The following COL4A6 variants were observed in gnomAD, a reference collection of about 807,000 sequenced individuals.
COL4A6 encodes collagen alpha-6(IV) chain.
A neutral mutation model predicts 126.7 loss-of-function variants in COL4A6; 59 were observed. The ratio of observed to expected loss-of-function variants is 0.47; its 90% CI spans 0.38 to 0.58. The LOEUF is 0.58. Ranked by LOEUF, COL4A6 falls within the 20% of genes least tolerant of loss-of-function variation. The probability of loss-of-function intolerance (pLI) is 0.00; values close to 1 mark genes in which losing one functional copy is unlikely to be tolerated. For missense variants in COL4A6, 1,285 were observed against 1,337.3 expected, an observed-to-expected ratio of 0.96 and a Z score of 0.61; for synonymous variants, 547 against 496.6, an observed-to-expected ratio of 1.10 and a Z score of -1.35.
At chrX:108,329,903 A>T (rs2039255049) in intron 2 of COL4A6, among the ~76,000 whole-genome samples, 1 of 111,054 alleles carries the variant, frequency 9.0e-6, no homozygotes, top group Non-Finnish European at 1.9e-5. Context: ...GGAGGATGGT[A>T]ATGCCATTTG....
intron 3 of COL4A6, among the ~76,000 whole-genome samples, chrX:108,236,268 G>C (rs2036427408): frequency 1.8e-5 from 2 of 111,498 alleles, no homozygotes; most frequent in Admixed American, 1.9e-4. Flanking sequence ...TTGCAGACTT[G>C]ACAAAGGCAG....
At chrX:108,161,788 A>G in intron 41 of COL4A6, 53 bp from the exon 42 acceptor site, 1 of 837,886 alleles carries the variant, frequency 1.2e-6, no homozygotes, top group Non-Finnish European at 1.8e-6. Context: ...GTCCCCAGGC[A>G]CCTTCCCCAG....
At chrX:108,191,226 G>C (rs765287726) in intron 19 of COL4A6, among the ~76,000 whole-genome samples, 167 bp downstream of exon 19, 2 of 112,448 alleles carry the variant, frequency 1.8e-5, no homozygotes, top group South Asian at 7.6e-4. Context: ...GGTAGAGGCA[G>C]GGATCTGACT....
chrX:108,343,165 A>ATATAGTGTGTGT (rs1377817612), intron 2 of COL4A6, among the ~76,000 whole-genome samples: 73 of 31,380 alleles, frequency 2.3e-3, no homozygotes, highest in East Asian at 6.6e-3. Context: ...ATATATATAT[A>ATATAGTGTGTGT]GTGTGTGTGT....
intron 2 of COL4A6, among the ~76,000 whole-genome samples, chrX:108,412,539 G>A (rs182699433): frequency 9.0e-6 from 1 of 111,534 alleles, no homozygotes; most frequent in South Asian, 3.8e-4. Flanking sequence ...CCATTTCAGG[G>A]GCCATTTTCT....
chrX:108,408,037 G>C (rs942269575), intron 2 of COL4A6, among the ~76,000 whole-genome samples: 11 of 111,595 alleles, frequency 9.9e-5, no homozygotes, highest in African/African-American at 3.6e-4. Flanking sequence ...TAGGCCGGGT[G>C]GGGTGGCTCA....
chrX:108,300,477 G>A (rs151128495), intron 3 of COL4A6, among the ~76,000 whole-genome samples: 2,194 of 108,323 alleles, frequency 0.02, 55 homozygotes, highest in African/African-American at 0.066. Flanking sequence ...GTTGTGCTAG[G>A]GGGTCTTGGA....
In COL4A6 at chrX:108,187,900, C is replaced by G. The variant is rs2148145750; in HGVS notation, c.1715G>C (p.Gly572Ala). Residue 572 changes from glycine to alanine, a missense_variant, in exon 22 of 45, where the codon GGA becomes GCA. Physicochemically the swap from Gly to Ala is moderately conservative, Grantham distance 60 (BLOSUM62 0). Coordinates refer to ENST00000334504, the MANE Select transcript of COL4A6 (RefSeq NM_033641.4). ...SGSQGFRGVI[G>A]EPGKDGVPGL... is the part of the protein sequence containing the mutation. ...TGGTACTCCGTCCTTGCCTGGTTCTCCTATTACACCACGGAAGCCCTGGGA... is the reference window on the plus strand; with the variant it reads ...TGGTACTCCGTCCTTGCCTGGTTCTGCTATTACACCACGGAAGCCCTGGGA... 8.3e-7 allele frequency: 1 copy of G among 1,210,119 alleles called. No homozygotes were observed. Among genetic ancestry groups the G allele is most frequent in the East Asian group, 3.0e-5 (1 of 33,799 alleles).
chrX:108,211,820 A>G (rs2035713837), intron 6 of COL4A6, 80 bp from the exon 7 acceptor site: 1 of 961,064 alleles, frequency 1.0e-6, no homozygotes. Flanking sequence ...CAGATAGAGG[A>G]TGGGACAGCA....
At chrX:108,278,669 C>T (rs1163883707) in intron 3 of COL4A6, among the ~76,000 whole-genome samples, 5 of 108,454 alleles carry the variant, frequency 4.6e-5, no homozygotes, top group Non-Finnish European at 7.7e-5. Flanking sequence ...TCGAGAAGAG[C>T]AACTCCAAGA....
chrX:108,363,897 G>A (rs750420409), intron 2 of COL4A6, among the ~76,000 whole-genome samples: 27 of 110,331 alleles, frequency 2.4e-4, no homozygotes, highest in Non-Finnish European at 4.0e-4. Context: ...TTGAGAGGGC[G>A]TCTTGCTCTG....
At chrX:108,406,082 C>T (rs777261706) in intron 2 of COL4A6, among the ~76,000 whole-genome samples, 2 of 111,305 alleles carry the variant, frequency 1.8e-5, no homozygotes, top group Non-Finnish European at 3.8e-5. Context: ...ATCTTCCCAC[C>T]TCAGACTCTT....
intron 9 of COL4A6, 127 bp from the exon 10 acceptor site, chrX:108,205,822 CTG>C: frequency 1.8e-6 from 1 of 542,175 alleles, no homozygotes; most frequent in African/African-American, 2.3e-5. Context: ...TAGATTCTAG[CTG>C]TCTTTCCTAT....
At chrX:108,246,864 T>C (rs1439945532) in intron 3 of COL4A6, among the ~76,000 whole-genome samples, 3 of 111,390 alleles carry the variant, frequency 2.7e-5, no homozygotes, top group Non-Finnish European at 5.7e-5. Context: ...ACTCATACAA[T>C]GAGGGATTCT....
chrX:108,174,344 A>G (rs1191925645), intron 31 of COL4A6, 96 bp downstream of exon 31: 3 of 903,731 alleles, frequency 3.3e-6, no homozygotes, highest in East Asian at 3.2e-5. Flanking sequence ...AGGGGCTGAG[A>G]AGTAAGCTGG....
chrX:108,437,033 G>T (rs1320485024), intron 2 of COL4A6, among the ~76,000 whole-genome samples: 1 of 111,456 alleles, frequency 9.0e-6, no homozygotes, highest in East Asian at 2.8e-4. Context: ...GTATCATTAA[G>T]AATTTTTAAA....
rs752178782 is a variant in COL4A6 at position 108,385,680 on chromosome X, A to G, written c.63+52262T>C. Among the ~76,000 whole-genome samples, 17 of 112,178 alleles carry G rather than the reference A, an allele frequency of 1.5e-4. No homozygotes were observed. In the Admixed American group the frequency reaches 1.6e-3, roughly 11 times the overall value. On this transcript the variant is annotated intron_variant, in intron 2 of 44. Transcript: ENST00000334504. ...ATGAAATAGAATTGAGACTTAAGAC[A>G]TAAACCCATACATCTTGGTCAATTG...
intron 3 of COL4A6, among the ~76,000 whole-genome samples, chrX:108,256,960 G>A (rs760513633): frequency 5.4e-5 from 6 of 111,836 alleles, no homozygotes; most frequent in African/African-American, 1.9e-4. Context: ...CAGAAAGGAG[G>A]AAGGCAGTTT....
intron 3 of COL4A6, among the ~76,000 whole-genome samples, chrX:108,277,071 G>A (rs770599606): frequency 6.2e-5 from 7 of 112,185 alleles, no homozygotes; most frequent in East Asian, 2.8e-4. Flanking sequence ...CAGCGTGAGC[G>A]ATGCAGAAGA....
Sources: gnomAD v4.1 joint callset for allele counts (sites outside exome capture counted in the v4.1 genomes callset) on GRCh38, gnomAD v4.1.1 for gene constraint, MANE v1.5 for transcripts, NCBI Gene and HGNC (gene_info 2026-07-23, HGNC 2026-07-21) for gene names.